The following STC2 variants were observed in gnomAD, a reference collection of about 807,000 sequenced individuals.
STC2 encodes the protein stanniocalcin 2, also known as stanniocalcin-2.
STC2 carries 7 observed loss-of-function variants against 22.7 expected under a neutral mutation model. That is an observed-to-expected ratio of 0.31 (90% CI 0.18 to 0.58). The LOEUF (loss-of-function observed/expected upper bound fraction) is 0.58, where lower values mean the gene tolerates loss of function less well. STC2 is among the 20% of genes least tolerant of loss of function. The pLI, the probability that STC2 is intolerant of heterozygous loss-of-function variation, is 0.89. For synonymous variants in STC2, 158 were observed against 163.4 expected (o/e 0.97, Z 0.25); for missense variants, 336 against 406.2 (o/e 0.83, Z 1.48).
Position 173,317,557 on chromosome 5 carries a change from A to G in STC2, c.*290T>C, listed in dbSNP as rs922218720. 4.3e-6 allele frequency: 1 copy of G among 233,106 alleles called. No homozygotes were observed. The highest frequency in any genetic ancestry group is 1.4e-4 in the South Asian group (1 of 7,190). The allele number at this position is 233,106 out of a possible 1,614,324, so 14.4% of individuals were successfully genotyped here. On this transcript the variant is annotated 3_prime_UTR_variant, in exon 4 of 4. Transcript: ENST00000265087. ...CACCTCCCCCACAACAGAGCGGCCG[A>G]CACCCACTGACTCCACAGATGGAAA...
At chr5:173,324,946 G>A (rs1273303346) in intron 2 of STC2, among the ~76,000 whole-genome samples, 1 of 152,150 alleles carries the variant, frequency 6.6e-6, no homozygotes, top group Non-Finnish European at 1.5e-5. Context: ...AGTTTAGGCT[G>A]CCAGCCCCGT....
At chr5:173,326,283 T>A (rs2113141026) in intron 1 of STC2, among the ~76,000 whole-genome samples, 1 of 152,336 alleles carries the variant, frequency 6.6e-6, no homozygotes, top group Admixed American at 6.5e-5. Flanking sequence ...CATTCCTCCT[T>A]TTCATCCTTT....
At position 173,325,987 on chromosome 5, in the gene STC2, T is replaced by C; in HGVS notation, c.175A>G (p.Asn59Asp). The change falls in exon 2 of 4, where the codon AAC (asparagine) becomes GAC (aspartate). Residue 59 changes from asparagine to aspartate, a missense_variant. Transcript: ENST00000265087. This position sits in a 1 kb window ranked among gnomAD's most constrained non-coding sequence, Gnocchi z 4.7. ...ACGCCACACCCCACATCGCCAGCGT[T>C]GACCAAACAGTGCTGGATCTCCGCT... ...NTAEIQHCLV[N>D]AGDVGCGVFE... 1 of 1,614,220 alleles carries C rather than the reference T, an allele frequency of 6.2e-7. No individual in the cohort carries two copies.
At position 173,328,361 on chromosome 5, in the gene STC2, C is replaced by T. The variant is rs775203439; in HGVS notation, c.-168G>A. The T allele has an allele frequency of 1.6e-6, 1 of 615,314 alleles. No individual in the cohort carries two copies. Among genetic ancestry groups the T allele is most frequent in the Non-Finnish European group, 2.5e-6 (1 of 405,664 alleles). 38.1% of individuals were successfully genotyped at this position (615,314 alleles called of 1,614,324 possible). ...GGCTCGGATAGAGGTTACCCAGCGC[C>T]CTCCCGTAGCTCTCCGGAGAGCATG... On this transcript the variant is annotated 5_prime_UTR_variant, in exon 1 of 4. Transcript: ENST00000265087.
At chr5:173,322,179 A>G (rs980038065) in intron 3 of STC2, among the ~76,000 whole-genome samples, 5 of 152,210 alleles carry the variant, frequency 3.3e-5, no homozygotes, top group African/African-American at 1.2e-4. Context: ...ATTTGGCTCA[A>G]TGAGTCACCG....
intron 3 of STC2, among the ~76,000 whole-genome samples, chr5:173,319,988 C>T (rs139803259): frequency 2.6e-5 from 4 of 152,306 alleles, no homozygotes; most frequent in East Asian, 1.9e-4. Flanking sequence ...AAATGCTCCA[C>T]GCGTGCTTGT....
chr5:173,323,024 G>T lies in STC2; in HGVS notation c.506+195C>A. ...GCTTGTGATTTTGAGACTGATGAGG[G>T]AATTCTCTCTTTTCCTAAAAGCCAG... is the stretch of plus-strand genomic sequence containing the variant. On this transcript the variant is annotated intron_variant, in intron 3 of 3. Coordinates refer to ENST00000265087, the MANE Select transcript of STC2 (RefSeq NM_003714.3). This position sits in a 1 kb window ranked among gnomAD's most constrained non-coding sequence, Gnocchi z 5.4. 1.7e-6 allele frequency: 1 copy of T among 598,874 alleles called. No individual in the cohort carries two copies. The allele number at this position is 598,874 out of a possible 1,614,324, so 37.1% of individuals were successfully genotyped here. A position where few individuals can be genotyped will look rare whatever the true frequency, so the allele number is the denominator to read the frequency against.
chr5:173,322,429 A>G (rs1762497663), intron 3 of STC2, among the ~76,000 whole-genome samples: 1 of 152,232 alleles, frequency 6.6e-6, no homozygotes. Flanking sequence ...TGCATCCTGA[A>G]TTTATCATTG....
rs1453648743 is a variant in STC2 at position 173,317,043 on chromosome 5, CT to C, written c.*803del. On this transcript the variant is annotated 3_prime_UTR_variant, in exon 4 of 4. Coordinates refer to ENST00000265087, the MANE Select transcript of STC2 (RefSeq NM_003714.3). ...TTTTTTTTTTTAAACCCCCTTTGAG[CT>C]GGTTTTAATGACCCAGTTGCTTTGT... 6.6e-6 allele frequency: 1 copy of C among 151,700 alleles called. No individual in the cohort carries two copies. Among genetic ancestry groups the C allele is most frequent in the Non-Finnish European group, 1.5e-5 (1 of 67,912 alleles). 9.4% of individuals were successfully genotyped at this position (151,700 alleles called of 1,614,324 possible). A position where few individuals can be genotyped will look rare whatever the true frequency, so the allele number is the denominator to read the frequency against.
Position 173,323,085 on chromosome 5 carries a change from T to G in STC2, c.506+134A>C. On this transcript the variant is annotated intron_variant, in intron 3 of 3. Transcript: ENST00000265087. This position sits in a 1 kb window ranked among gnomAD's most constrained non-coding sequence, Gnocchi z 5.4. ...GCCTTTTAGTAGAGTCAGTGTAGCT[T>G]TCTGAAGTAAATGGAAGCCTTCTCC... 1 of 820,428 alleles carries G rather than the reference T, an allele frequency of 1.2e-6. No individual in the cohort carries two copies. Among genetic ancestry groups the G allele is most frequent in the South Asian group, 1.6e-5 (1 of 60,892 alleles). The allele number at this position is 820,428 out of a possible 1,614,324, so 50.8% of individuals were successfully genotyped here. A position where few individuals can be genotyped will look rare whatever the true frequency, so the allele number is the denominator to read the frequency against.
chr5:173,323,258 A>G lies in STC2; in HGVS notation c.467T>C (p.Ile156Thr). 5.6e-6 allele frequency: 9 copies of G among 1,614,134 alleles called. No individual in the cohort carries two copies. Among genetic ancestry groups the G allele is most frequent in the Non-Finnish European group, 7.6e-6 (9 of 1,180,038 alleles). The change falls in exon 3 of 4, where the codon ATA becomes ACA. Residue 156 changes from isoleucine to threonine, a missense_variant. By Grantham distance (89) the Ile-to-Thr change is moderately conservative. Coordinates refer to ENST00000265087, the MANE Select transcript of STC2 (RefSeq NM_003714.3). This position sits in a 1 kb window ranked among gnomAD's most constrained non-coding sequence, Gnocchi z 5.4. ...GTCCTTGAAATGGATCATCTCCACT[A>G]TCACCCGGGTGTTCTCCTGGGCAGC... Reference protein sequence around the residue: ...CAAAQENTRVIVEMIHFKDLL... With the variant: ...CAAAQENTRVTVEMIHFKDLL...
Position 173,316,170 on chromosome 5 carries a change from T to G in STC2, c.*1677A>C, listed in dbSNP as rs933192556. On this transcript the variant is annotated 3_prime_UTR_variant, in exon 4 of 4. Coordinates refer to ENST00000265087, the MANE Select transcript of STC2 (RefSeq NM_003714.3). ...AGTAAACTGTGTCCTGTGAGTGAAA[T>G]TCAGCTGGGAGCCTGTTAAATAAAT... The G allele has an allele frequency of 6.6e-6, 1 of 152,174 alleles. No homozygotes were observed. The highest frequency in any genetic ancestry group is 1.5e-5 in the Non-Finnish European group (1 of 68,032). 9.4% of individuals were successfully genotyped at this position (152,174 alleles called of 1,614,324 possible). A position where few individuals can be genotyped will look rare whatever the true frequency, so the allele number is the denominator to read the frequency against.
chr5:173,323,938 G>A lies in STC2; in HGVS notation c.295-508C>T, dbSNP rs780096514. 1 of 172,030 alleles carries A rather than the reference G, an allele frequency of 5.8e-6. No homozygotes were observed. The highest frequency in any genetic ancestry group is 1.3e-5 in the Non-Finnish European group (1 of 79,472). The allele number at this position is 172,030 out of a possible 1,614,324, so 10.7% of individuals were successfully genotyped here. On this transcript the variant is annotated intron_variant, in intron 2 of 3. Coordinates refer to ENST00000265087, the MANE Select transcript of STC2 (RefSeq NM_003714.3). This position sits in a 1 kb window ranked among gnomAD's most constrained non-coding sequence, Gnocchi z 5.4. ...GCGACACCGAGATTGATTGCTGATT[G>A]TACCTCCCTTTCTGCCTCCGTGCCT...
At chr5:173,319,774 G>A (rs1004151588) in intron 3 of STC2, among the ~76,000 whole-genome samples, 3 of 152,236 alleles carry the variant, frequency 2.0e-5, no homozygotes, top group African/African-American at 7.2e-5. Context: ...GCAGAGCAGA[G>A]AGGAGGAATG....
chr5:173,328,002 C>T, intron 1 of STC2, 41 bp downstream of exon 1: 1 of 1,419,332 alleles, frequency 7.0e-7, no homozygotes, highest in Non-Finnish European at 9.3e-7. Context: ...GCACGGTGTC[C>T]TCTCCCAGTA....
intron 3 of STC2, among the ~76,000 whole-genome samples, chr5:173,322,702 C>T (rs941812216): frequency 2.8e-4 from 43 of 152,202 alleles, no homozygotes. Context: ...TCTGGCTTTG[C>T]CTGTCACTAG....
chr5:173,318,299 A>AGAGAGAGAGAGG (rs532094608), intron 3 of STC2, 50 bp from the exon 4 acceptor site: 2 of 1,300,602 alleles, frequency 1.5e-6, no homozygotes, highest in African/African-American at 1.5e-5. Context: ...AGAGAGAGAG[A>AGAGAGAGAGAGG]GGCTGGGAAT....
At position 173,320,289 on chromosome 5, in the gene STC2, C is replaced by T. The variant is rs541050955; in HGVS notation, c.507-2040G>A. On this transcript the variant is annotated intron_variant, in intron 3 of 3. Coordinates refer to ENST00000265087, the MANE Select transcript of STC2 (RefSeq NM_003714.3). ...CAGATGAGCCCCCAGAAGCCCAGGG[C>T]GGATCTGGATCCCAGAAGGCTGGAT... is the stretch of plus-strand genomic sequence containing the variant. Among the ~76,000 whole-genome samples, 13 of 152,322 alleles carry T rather than the reference C, an allele frequency of 8.5e-5. No individual in the cohort carries two copies. In the Middle Eastern group the frequency reaches 0.014, roughly 159 times the overall value.
intron 3 of STC2, 50 bp from the exon 4 acceptor site, chr5:173,318,299 A>G (rs889210408): frequency 3.1e-6 from 4 of 1,300,742 alleles, no homozygotes; most frequent in Non-Finnish European, 3.0e-6. Context: ...AGAGAGAGAG[A>G]GGCTGGGAAT....
Sources: gnomAD v4.1 joint callset for allele counts (sites outside exome capture counted in the v4.1 genomes callset) on GRCh38, gnomAD v4.1.1 for gene constraint, Gnocchi (gnomAD v3.1) non-coding constraint, MANE v1.5 for transcripts, NCBI Gene and HGNC (gene_info 2026-07-23, HGNC 2026-07-21) for gene names.